The following LRRTM4 variants were observed in gnomAD, a reference collection of about 807,000 sequenced individuals.
LRRTM4 encodes leucine rich repeat transmembrane neuronal 4.
A neutral mutation model predicts 47.6 loss-of-function variants in LRRTM4; 25 were observed. The ratio of observed to expected loss-of-function variants is 0.53; its 90% confidence interval spans 0.38 to 0.73. The LOEUF is 0.73. Among genes scored for constraint, LRRTM4 ranks in the 30% least tolerant of loss-of-function variants. The pLI is 0.00. For synonymous variants in LRRTM4, 311 were observed against 269.5 expected, an observed-to-expected ratio of 1.15 and a Z score of -1.51; for missense variants, 638 against 713.4, an observed-to-expected ratio of 0.89 and a Z score of 1.20.
At chr2:77,117,362 T>G (rs777436615) in intron 3 of LRRTM4, among the ~76,000 whole-genome samples, 2 of 152,032 alleles carry the variant, frequency 1.3e-5, no homozygotes, top group Non-Finnish European at 2.9e-5. Flanking sequence ...GGTATTTAAA[T>G]ATTATCTCTT....
intron 3 of LRRTM4, among the ~76,000 whole-genome samples, chr2:76,995,949 A>G (rs1423714435): frequency 6.6e-6 from 1 of 152,136 alleles, no homozygotes; most frequent in Non-Finnish European, 1.5e-5. Flanking sequence ...AAACTCAGGG[A>G]GAAATAATTA....
At chr2:77,373,898 T>C (rs1344144601) in intron 3 of LRRTM4, among the ~76,000 whole-genome samples, 1 of 151,790 alleles carries the variant, frequency 6.6e-6, no homozygotes, top group Non-Finnish European at 1.5e-5. Flanking sequence ...TTTTTTCTTA[T>C]GCCCTTCAGT....
intron 3 of LRRTM4, among the ~76,000 whole-genome samples, chr2:77,508,862 C>T (rs1013381402): frequency 2.6e-5 from 4 of 152,044 alleles, no homozygotes; most frequent in East Asian, 1.9e-4. Flanking sequence ...CTTCTGAATT[C>T]AAAAGGAATA....
At chr2:76,878,084 C>T (rs1672828169) in intron 3 of LRRTM4, among the ~76,000 whole-genome samples, 1 of 152,122 alleles carries the variant, frequency 6.6e-6, no homozygotes, top group Admixed American at 6.5e-5. Flanking sequence ...GTCTCTGTGT[C>T]ACATTTTGGT....
intron 3 of LRRTM4, among the ~76,000 whole-genome samples, chr2:77,192,493 T>C (rs1558626942): frequency 6.6e-6 from 1 of 152,150 alleles, no homozygotes; most frequent in Non-Finnish European, 1.5e-5. Flanking sequence ...AGTGTGATAG[T>C]TGACTGAATC....
intron 3 of LRRTM4, among the ~76,000 whole-genome samples, chr2:77,050,390 G>A (rs1679391148): frequency 6.6e-6 from 1 of 152,028 alleles, no homozygotes; most frequent in South Asian, 2.1e-4. Context: ...GGTTTTGTTT[G>A]TTTTAATTTA....
rs143625927 is a variant in LRRTM4, at chr2:77,036,949, C to T, written c.1552-288033G>A. Among the ~76,000 whole-genome samples, 141 of 151,800 alleles carry T rather than the reference C, an allele frequency of 9.3e-4. 3 individuals carry two copies. The East Asian group carries it at 0.018, about 19-fold the overall frequency. On this transcript the variant is annotated intron_variant, in intron 3 of 3. Transcript: ENST00000409884. Reference sequence around the variant, plus strand: ...TTCTCTGAAAGGAAGTGATTGACCCCTACTTAATTCCATAGAAATTGGAGA... The same window carrying T: ...TTCTCTGAAAGGAAGTGATTGACCCTTACTTAATTCCATAGAAATTGGAGA...
intron 3 of LRRTM4, among the ~76,000 whole-genome samples, chr2:77,184,244 C>T (rs2028349): frequency 0.076 from 11,532 of 151,608 alleles, 619 homozygotes; most frequent in East Asian, 0.24. Context: ...AAAATAAGAA[C>T]GTAAAATCAC....
At chr2:77,131,471 T>G (rs75119156) in intron 3 of LRRTM4, among the ~76,000 whole-genome samples, 184 of 152,302 alleles carry the variant, frequency 1.2e-3, no homozygotes, top group African/African-American at 4.1e-3. Flanking sequence ...TGTCTTTTGC[T>G]CAGTAATATA....
intron 3 of LRRTM4, among the ~76,000 whole-genome samples, chr2:77,417,166 C>G (rs999265948): frequency 1.4e-4 from 22 of 152,038 alleles, no homozygotes; most frequent in African/African-American, 2.9e-4. Context: ...GGCCATCAAA[C>G]AAATGCAAAT....
At chr2:77,520,582 A>G (rs1409239844) in intron 2 of LRRTM4, among the ~76,000 whole-genome samples, 1 of 152,120 alleles carries the variant, frequency 6.6e-6, no homozygotes, top group East Asian at 1.9e-4. Flanking sequence ...CATAACAGAG[A>G]ACACTCCAAA....
Position 76,883,374 on chromosome 2 carries a change from C to A in LRRTM4, c.1552-134458G>T, listed in dbSNP as rs183558978. ...AATGCCCAATTAATGTTTATTGAAC[C>A]AAAAATGGATTAATGGGGGACCTGA... On this transcript the variant is annotated intron_variant, in intron 3 of 3. Transcript: ENST00000409884. 6.6e-5 allele frequency among the ~76,000 whole-genome samples: 10 copies of A among 150,674 alleles called. No homozygotes were observed. In the South Asian group the frequency reaches 8.4e-4, roughly 13 times the overall value.
intron 3 of LRRTM4, among the ~76,000 whole-genome samples, chr2:77,325,512 C>T (rs1190139748): frequency 6.6e-6 from 1 of 152,060 alleles, no homozygotes; most frequent in Admixed American, 6.6e-5. Flanking sequence ...AAAGTAAAGG[C>T]AGCGTGGGAA....
At chr2:76,836,063 A>C (rs1671502705) in intron 3 of LRRTM4, among the ~76,000 whole-genome samples, 1 of 151,980 alleles carries the variant, frequency 6.6e-6, no homozygotes, top group African/African-American at 2.4e-5. Flanking sequence ...GAGAGAAGTC[A>C]AAATAATCAG....
chr2:77,132,970 G>A (rs893882640), intron 3 of LRRTM4, among the ~76,000 whole-genome samples: 5 of 152,110 alleles, frequency 3.3e-5, no homozygotes, highest in African/African-American at 9.7e-5. Flanking sequence ...CTGCTACTAC[G>A]TGACATTTCT....
chr2:77,090,947 C>G (rs562306451), intron 3 of LRRTM4, among the ~76,000 whole-genome samples: 1 of 152,022 alleles, frequency 6.6e-6, no homozygotes, highest in Non-Finnish European at 1.5e-5. Flanking sequence ...TTAATCAATA[C>G]GGAGGCTACC....
At chr2:77,255,220 A>G (rs1271480118) in intron 3 of LRRTM4, among the ~76,000 whole-genome samples, 1 of 152,028 alleles carries the variant, frequency 6.6e-6, no homozygotes, top group Non-Finnish European at 1.5e-5. Flanking sequence ...TCCAGCAGAA[A>G]GATATTAAGC....
intron 3 of LRRTM4, among the ~76,000 whole-genome samples, chr2:77,150,394 C>T (rs142705724): frequency 1.1e-3 from 162 of 152,092 alleles, no homozygotes; most frequent in African/African-American, 3.5e-3. Context: ...ATGAAGATTC[C>T]ATAATCCTCT....
intron 3 of LRRTM4, among the ~76,000 whole-genome samples, chr2:77,207,892 T>TTTTG (rs1674184277): frequency 7.0e-6 from 1 of 142,726 alleles, no homozygotes; most frequent in Non-Finnish European, 1.5e-5. Context: ...TTTTTTTTTT[T>TTTTG]TGTGAGATGT....
Sources: gnomAD v4.1 joint callset for allele counts (sites outside exome capture counted in the v4.1 genomes callset) on GRCh38, gnomAD v4.1.1 for gene constraint, MANE v1.5 for transcripts, NCBI Gene and HGNC (gene_info 2026-07-23, HGNC 2026-07-21) for gene names.